The following ADAMTS18 variants were observed in gnomAD, a reference collection of about 807,000 sequenced individuals.
The protein encoded by ADAMTS18 is A disintegrin and metalloproteinase with thrombospondin motifs 18.
ADAMTS18 carries 157 observed loss-of-function variants against 165.9 expected under a neutral mutation model. That is an observed-to-expected ratio of 0.95 (90% CI 0.83 to 1.08). The LOEUF is 1.08. Among genes scored for constraint, ADAMTS18 ranks in the 50% least tolerant of loss-of-function variants. The pLI, the probability that ADAMTS18 is intolerant of heterozygous loss-of-function variation, is 0.00. For synonymous variants in ADAMTS18, 782 were observed against 578.2 expected, an observed-to-expected ratio of 1.35 and a Z score of -5.06; for missense variants, 2,040 against 1,534.0, an observed-to-expected ratio of 1.33 and a Z score of -5.51.
chr16:77,347,893 A>C (rs895643084), intron 10 of ADAMTS18, among the ~76,000 whole-genome samples: 1 of 152,144 alleles, frequency 6.6e-6, no homozygotes, highest in African/African-American at 2.4e-5. Context: ...ATTTTTATGT[A>C]CTTTAGATTT....
intron 10 of ADAMTS18, 91 bp downstream of exon 10, chr16:77,353,642 G>T (rs1431107354): frequency 6.4e-7 from 1 of 1,568,008 alleles, no homozygotes; most frequent in Non-Finnish European, 8.8e-7. Context: ...CCTAACCCTT[G>T]GCCTTGGCAA....
In ADAMTS18 at chr16:77,349,985, G is replaced by C. The variant is rs74390731; in HGVS notation, c.1614+3748C>G. Among the ~76,000 whole-genome samples the C allele has an allele frequency of 5.1e-3, 777 of 152,282 alleles. 9 individuals are homozygous for C. The highest frequency in any genetic ancestry group is 0.018 in the African/African-American group (754 of 41,562). The stretch of plus-strand genomic sequence containing the variant: ...ACTGAGGTACAGGGTCAGCTAAAGA[G>C]GATGCATTTGTTCAGCTGCTCACTT... On this transcript the variant is annotated intron_variant, in intron 10 of 22. Coordinates refer to ENST00000282849, the MANE Select transcript of ADAMTS18 (RefSeq NM_199355.4).
intron 2 of ADAMTS18, chr16:77,433,270 T>C (rs2057760251): frequency 1.3e-5 from 2 of 152,230 alleles, no homozygotes; most frequent in African/African-American, 4.8e-5. Flanking sequence ...AAACTCTGCC[T>C]GCTCTTACTT....
intron 3 of ADAMTS18, among the ~76,000 whole-genome samples, chr16:77,393,292 C>A (rs2057214126): frequency 6.6e-6 from 1 of 152,156 alleles, no homozygotes; most frequent in Non-Finnish European, 1.5e-5. Context: ...ATACTGTGGT[C>A]TCAACATGAA....
intron 16 of ADAMTS18, among the ~76,000 whole-genome samples, chr16:77,311,501 A>G (rs539220704): frequency 1.1e-3 from 160 of 152,304 alleles, no homozygotes; most frequent in African/African-American, 3.7e-3. Context: ...TTGGGAAAAT[A>G]TAATTTATTG....
intron 3 of ADAMTS18, among the ~76,000 whole-genome samples, chr16:77,371,922 C>CA (rs1232517856): frequency 6.6e-6 from 1 of 151,880 alleles, no homozygotes; most frequent in Non-Finnish European, 1.5e-5. Context: ...AACTCATCAG[C>CA]AAAAAATAAC....
chr16:77,426,015 T>C (rs537517358), intron 3 of ADAMTS18, among the ~76,000 whole-genome samples: 1 of 152,100 alleles, frequency 6.6e-6, no homozygotes, highest in South Asian at 2.1e-4. Context: ...CACTCCAGCC[T>C]GGGCAACACA....
intron 3 of ADAMTS18, among the ~76,000 whole-genome samples, chr16:77,430,564 T>C (rs533644392): frequency 7.2e-5 from 11 of 152,314 alleles, no homozygotes; most frequent in Non-Finnish European, 1.5e-4. Context: ...TTCAAGACAC[T>C]TCTCAATCAC....
chr16:77,418,198 C>G (rs985099836), intron 3 of ADAMTS18, among the ~76,000 whole-genome samples: 1 of 152,132 alleles, frequency 6.6e-6, no homozygotes, highest in African/African-American at 2.4e-5. Flanking sequence ...CCACACACAC[C>G]ATTCATACAT....
chr16:77,306,723 G>A (rs917273790), intron 16 of ADAMTS18, among the ~76,000 whole-genome samples: 2 of 152,142 alleles, frequency 1.3e-5, no homozygotes, highest in Non-Finnish European at 2.9e-5. Flanking sequence ...TGCTTATTAT[G>A]TGCCAGGCAA....
At chr16:77,402,862 T>G (rs938749883) in intron 3 of ADAMTS18, among the ~76,000 whole-genome samples, 1 of 152,166 alleles carries the variant, frequency 6.6e-6, no homozygotes, top group Non-Finnish European at 1.5e-5. Flanking sequence ...ATGCCCTGAA[T>G]TTTTTACCTT....
intron 3 of ADAMTS18, among the ~76,000 whole-genome samples, chr16:77,387,307 G>A (rs558947687): frequency 2.0e-5 from 3 of 152,064 alleles, no homozygotes; most frequent in Non-Finnish European, 4.4e-5. Flanking sequence ...ATCTCATGTC[G>A]GATAGTCATG....
At chr16:77,306,476 G>A (rs543651051) in intron 16 of ADAMTS18, among the ~76,000 whole-genome samples, 118 of 152,180 alleles carry the variant, frequency 7.8e-4, no homozygotes, top group Non-Finnish European at 7.6e-4. Context: ...TCTTTCTTTC[G>A]TCCCCACTTT....
chr16:77,393,959 T>G (rs2057224079), intron 3 of ADAMTS18, among the ~76,000 whole-genome samples: 1 of 152,326 alleles, frequency 6.6e-6, no homozygotes. Flanking sequence ...ATTCAGCTGG[T>G]CCTGGCTATG....
At chr16:77,378,350 C>A (rs10712789) in intron 3 of ADAMTS18, among the ~76,000 whole-genome samples, 3,243 of 105,430 alleles carry the variant, frequency 0.031, 94 homozygotes, top group African/African-American at 0.089. Flanking sequence ...CAAAAAAAAA[C>A]AAAAAAAAAA....
At chr16:77,324,668 T>C (rs552176324) in intron 13 of ADAMTS18, among the ~76,000 whole-genome samples, 10 of 152,242 alleles carry the variant, frequency 6.6e-5, no homozygotes, top group African/African-American at 2.4e-4. Context: ...AGGAAGAATA[T>C]GTTGACAGGC....
intron 16 of ADAMTS18, among the ~76,000 whole-genome samples, chr16:77,316,273 T>C (rs1029688778): frequency 6.9e-6 from 1 of 144,454 alleles, no homozygotes; most frequent in African/African-American, 2.6e-5. Context: ...TTTTTTTTTT[T>C]GAGACAGAGT....
At chr16:77,383,679 A>C (rs1305037394) in intron 3 of ADAMTS18, among the ~76,000 whole-genome samples, 1 of 152,090 alleles carries the variant, frequency 6.6e-6, no homozygotes, top group Admixed American at 6.5e-5. Context: ...AGTAGCTGGG[A>C]TTACAGGCAC....
At chr16:77,404,432 T>C (rs1042909701) in intron 3 of ADAMTS18, among the ~76,000 whole-genome samples, 1 of 152,174 alleles carries the variant, frequency 6.6e-6, no homozygotes, top group African/African-American at 2.4e-5. Flanking sequence ...AGGATTTCTC[T>C]ATAAGTTCTT....
Sources: gnomAD v4.1 joint callset for allele counts (sites outside exome capture counted in the v4.1 genomes callset) on GRCh38, gnomAD v4.1.1 for gene constraint, MANE v1.5 for transcripts, NCBI Gene and HGNC (gene_info 2026-07-23, HGNC 2026-07-21) for gene names.